Variants in ADGRG1 observed in about 807,000 individuals in gnomAD.
ADGRG1 encodes adhesion G protein-coupled receptor G1.
In ADGRG1, 53 loss-of-function variants were observed where a neutral mutation model predicts 73.5. The ratio of observed to expected loss-of-function variants is 0.72; its 90% confidence interval spans 0.58 to 0.91. ADGRG1 has a LOEUF of 0.91. ADGRG1 is among the 40% of genes least tolerant of loss of function. The pLI, the probability that ADGRG1 is intolerant of heterozygous loss-of-function variation, is 0.00. For synonymous variants in ADGRG1, 394 were observed against 374.4 expected, an observed-to-expected ratio of 1.05 and a Z score of -0.60; for missense variants, 795 against 871.8, an observed-to-expected ratio of 0.91 and a Z score of 1.11.
intron 1 of ADGRG1, 121 bp from the exon 2 acceptor site, chr16:57,650,119 GTCCATGGGCTTTT>G (rs1837023046): frequency 6.6e-7 from 1 of 1,510,522 alleles, no homozygotes; most frequent in African/African-American, 1.4e-5. Flanking sequence ...CTCTGGGGAG[GTCCATGGGCTTTT>G]TCCACACTTG....
At chr16:57,638,308 G>A (rs960353455) in intron 1 of ADGRG1, among the ~76,000 whole-genome samples, 1 of 152,138 alleles carries the variant, frequency 6.6e-6, no homozygotes, top group Non-Finnish European at 1.5e-5. Context: ...CACATCCCCC[G>A]AGTCTCTGTT....
intron 10 of ADGRG1, chr16:57,658,896 TG>T: frequency 2.1e-6 from 2 of 941,848 alleles, no homozygotes; most frequent in Non-Finnish European, 2.5e-6. Flanking sequence ...ATGGTGACAC[TG>T]GGGCCTGCAT....
intron 1 of ADGRG1, chr16:57,630,426 G>GC (rs2037473626): frequency 2.0e-6 from 2 of 985,030 alleles, no homozygotes; most frequent in African/African-American, 3.5e-5. Flanking sequence ...CATCACTGTG[G>GC]CCCCCTTGCC....
chr16:57,644,526 C>T (rs552370297), intron 1 of ADGRG1, among the ~76,000 whole-genome samples: 1 of 149,648 alleles, frequency 6.7e-6, no homozygotes, highest in East Asian at 2.0e-4. Context: ...ACACACTCAT[C>T]ACACACATGC....
In ADGRG1 at chr16:57,654,136, CA is replaced by C; in HGVS notation, c.768+4del. 1.9e-6 allele frequency: 3 copies of C among 1,611,142 alleles called. No individual in the cohort carries two copies. Among genetic ancestry groups the C allele is most frequent in the Non-Finnish European group, 2.5e-6 (3 of 1,179,814 alleles). ...TGCACATCCACTCCCGGCAGGAGGT[CA>C]GGGGCAGGCCTGGGCAGGAAGCAGA... On this transcript the variant is annotated splice_donor_region_variant and intron_variant, in intron 5 of 13. Transcript: ENST00000562631.
At chr16:57,655,770 C>A (rs1271598623) in intron 6 of ADGRG1, 106 bp from the exon 7 acceptor site, 19 of 1,611,356 alleles carry the variant, frequency 1.2e-5, no homozygotes, top group Non-Finnish European at 1.4e-5. Context: ...CATCTCAAGG[C>A]AATGTGCTGG....
At chr16:57,644,721 GCAC>G (rs2042010617) in intron 1 of ADGRG1, among the ~76,000 whole-genome samples, 1 of 50,098 alleles carries the variant, frequency 2.0e-5, no homozygotes, top group Non-Finnish European at 3.8e-5. Flanking sequence ...CTGATCACAC[GCAC>G]TGGCACACAC....
intron 1 of ADGRG1, chr16:57,641,312 T>C (rs2040757603): frequency 1.0e-6 from 1 of 985,386 alleles, no homozygotes; most frequent in African/African-American, 1.7e-5. Context: ...TACTGACTGG[T>C]GTGTGCCCTG....
At position 57,641,063 on chromosome 16, in the gene ADGRG1, A is replaced by T; in HGVS notation, c.-35-9190A>T. On this transcript the variant is annotated intron_variant, in intron 1 of 13. Coordinates refer to ENST00000562631, the MANE Select transcript of ADGRG1 (RefSeq NM_201525.4). ...TCTTTGTCCCTTGCTACCAGCTTGG[A>T]GGTAAGCTCTGTTCTTACCTGTAGG... The T allele has an allele frequency of 3.0e-6, 3 of 984,880 alleles. No homozygotes were observed. In the African/African-American group the frequency reaches 5.2e-5, roughly 17 times the overall value. 61.0% of individuals were successfully genotyped at this position (984,880 alleles called of 1,614,324 possible).
chr16:57,639,335 T>G (rs931274718), intron 1 of ADGRG1: 8 of 985,442 alleles, frequency 8.1e-6, no homozygotes, highest in Non-Finnish European at 9.6e-6. Flanking sequence ...GTTGCTTTGC[T>G]GGGTCTGAGC....
At chr16:57,644,682 G>C (rs1296173475) in intron 1 of ADGRG1, among the ~76,000 whole-genome samples, 1 of 115,544 alleles carries the variant, frequency 8.7e-6, no homozygotes, top group Non-Finnish European at 1.7e-5. Context: ...ACACACTCAT[G>C]CACAAGCACA....
chr16:57,640,627 G>A (rs1462955420), intron 1 of ADGRG1, among the ~76,000 whole-genome samples: 1 of 152,234 alleles, frequency 6.6e-6, no homozygotes, highest in African/African-American at 2.4e-5. Flanking sequence ...ATGGAACTCA[G>A]TGCTTCTACT....
intron 7 of ADGRG1, 63 bp from the exon 8 acceptor site, chr16:57,656,163 G>A: frequency 6.2e-7 from 1 of 1,613,832 alleles, no homozygotes; most frequent in Non-Finnish European, 8.5e-7. Context: ...CCTCTGCCTG[G>A]CCTGTAAAGT....
At chr16:57,625,638 G>C (rs2035697740), upstream of ADGRG1, 2 of 983,976 alleles carry the variant, frequency 2.0e-6, no homozygotes, top group Non-Finnish European at 1.2e-6. Flanking sequence ...AATCCCCTGG[G>C]CATCTTATTA....
At chr16:57,660,140 C>T (rs2046729475) in intron 11 of ADGRG1, 1 of 436,316 alleles carries the variant, frequency 2.3e-6, no homozygotes, top group Admixed American at 6.4e-5. Flanking sequence ...TCACCTGTGG[C>T]CAGCCCTCTT....
At chr16:57,634,549 G>A (rs1487867499) in intron 1 of ADGRG1, 2 of 868,092 alleles carry the variant, frequency 2.3e-6, no homozygotes, top group Non-Finnish European at 2.8e-6. Context: ...TTTCACAGAT[G>A]AGGAATCAGG....
intron 1 of ADGRG1, chr16:57,639,964 A>C (rs2040376672): frequency 1.8e-6 from 1 of 555,528 alleles, no homozygotes; most frequent in Admixed American, 6.3e-5. Context: ...ACTACAAGGA[A>C]ATAGTTGGGG....
At chr16:57,628,987 AGAATGT>A (rs2036843658) in intron 1 of ADGRG1, 185 bp downstream of exon 1, 2 of 491,310 alleles carry the variant, frequency 4.1e-6, no homozygotes, top group African/African-American at 3.2e-5. Flanking sequence ...AGAGTGAGTG[AGAATGT>A]GAGTGTGAGT....
upstream of ADGRG1, chr16:57,627,661 C>A: frequency 2.9e-6 from 1 of 349,738 alleles, no homozygotes; most frequent in Non-Finnish European, 4.0e-6. Context: ...GTTATTGTCA[C>A]CACTCACCCT....
Sources: allele counts gnomAD v4.1 joint callset (sites outside exome capture counted in the v4.1 genomes callset), GRCh38; gene constraint gnomAD v4.1.1; transcripts MANE v1.5; gene names NCBI Gene and HGNC (gene_info 2026-07-23, HGNC 2026-07-21).